The following PTH2R variants were observed in gnomAD, a reference collection of about 807,000 sequenced individuals.
PTH2R encodes the protein PTH2 receptor.
PTH2R carries 59 observed loss-of-function variants against 60.3 expected under a neutral mutation model. That is an observed-to-expected ratio of 0.98 (90% confidence interval 0.79 to 1.22). The LOEUF (loss-of-function observed/expected upper bound fraction) is 1.22. Among genes scored for constraint, PTH2R ranks in the 50% most tolerant of loss-of-function variants. The pLI, the probability that PTH2R is intolerant of heterozygous loss-of-function variation, is 0.00. For synonymous variants in PTH2R, 256 were observed against 243.8 expected, an observed-to-expected ratio of 1.05 and a Z score of -0.47; for missense variants, 749 against 682.6, an observed-to-expected ratio of 1.10 and a Z score of -1.08.
intron 8 of PTH2R, among the ~76,000 whole-genome samples, chr2:208,452,837 G>A (rs1456858325): frequency 6.6e-6 from 1 of 152,162 alleles, no homozygotes; most frequent in African/African-American, 2.4e-5. Context: ...GAGAAGTTGT[G>A]CTCAAGGTTG....
chr2:208,427,412 C>A (rs1230389342), intron 1 of PTH2R, among the ~76,000 whole-genome samples: 1 of 152,036 alleles, frequency 6.6e-6, no homozygotes, highest in Non-Finnish European at 1.5e-5. Context: ...AACTCAGAAT[C>A]CATGTTGTAT....
intron 7 of PTH2R, among the ~76,000 whole-genome samples, chr2:208,449,436 G>C (rs1424303257): frequency 1.6e-5 from 1 of 64,250 alleles, no homozygotes; most frequent in African/African-American, 5.5e-5. Flanking sequence ...ATGGAGAAAT[G>C]TGATAGATAG....
chr2:208,369,299 A>G (rs138201838), intron 1 of PTH2R, among the ~76,000 whole-genome samples: 6 of 152,052 alleles, frequency 3.9e-5, no homozygotes, highest in African/African-American at 1.5e-4. Context: ...TGAAAGACAC[A>G]GAATTCCAAC....
chr2:208,365,086 T>C (rs1395504718), intron 1 of PTH2R, among the ~76,000 whole-genome samples: 1 of 152,136 alleles, frequency 6.6e-6, no homozygotes. Flanking sequence ...TTTAGGATTT[T>C]CTGCATATAA....
At position 208,417,677 on chromosome 2, in the gene PTH2R, G is replaced by A. The variant is rs1466104789; in HGVS notation, c.76-10524G>A. On this transcript the variant is annotated intron_variant, in intron 1 of 12. Transcript: ENST00000272847. ...CGATTCTCCTGCCTCAGCCTCCCGAGTAGCTGGGATTATGGGCACATGCCA... is the reference window on the plus strand; with the variant it reads ...CGATTCTCCTGCCTCAGCCTCCCGAATAGCTGGGATTATGGGCACATGCCA... 5.3e-5 allele frequency among the ~76,000 whole-genome samples: 8 copies of A among 150,158 alleles called. No homozygotes were observed. In the Admixed American group the frequency reaches 5.4e-4, roughly 10 times the overall value.
At chr2:208,490,769 T>C in intron 12 of PTH2R, 89 bp downstream of exon 12, 2 of 1,290,028 alleles carry the variant, frequency 1.6e-6, no homozygotes, top group South Asian at 1.5e-5. Context: ...ATTTCCAGGA[T>C]TTCCAGGATG....
chr2:208,451,214 A>G (rs914426894), intron 8 of PTH2R, among the ~76,000 whole-genome samples: 9 of 151,934 alleles, frequency 5.9e-5, no homozygotes, highest in African/African-American at 2.2e-4. Context: ...TTTCCTGAGG[A>G]TGGTGTGGTT....
chr2:208,380,734 C>T lies in PTH2R; in HGVS notation c.-259+20497C>T, dbSNP rs185210623. 3.3e-5 allele frequency among the ~76,000 whole-genome samples: 5 copies of T among 152,226 alleles called. No individual in the cohort carries two copies. The East Asian group carries it at 9.6e-4, about 29-fold the overall frequency. On this transcript the variant is annotated intron_variant, in intron 1 of 12. Coordinates refer to the PTH2R transcript ENST00000617735. The stretch of plus-strand genomic sequence containing the variant: ...TTCACCCAGGTGTTGTGGAGTGTGT[C>T]TGTCCTTGAGCACTAGCTTTCCCCT...
intron 9 of PTH2R, among the ~76,000 whole-genome samples, chr2:208,462,523 G>A (rs892405879): frequency 3.3e-5 from 5 of 152,180 alleles, no homozygotes; most frequent in African/African-American, 1.2e-4. Flanking sequence ...TCAACTTGAA[G>A]CACACACAGA....
intron 1 of PTH2R, among the ~76,000 whole-genome samples, chr2:208,370,442 CAAAAAAAAAAAAAAAAAAAAAAAA>C (rs71041305): frequency 1.6e-5 from 1 of 61,638 alleles, no homozygotes; most frequent in Non-Finnish European, 2.7e-5. Flanking sequence ...GACTCCGTCT[CAAAAAAAAAAAAAAAAAAAAAAAA>C]AAAAAAAAAG....
At chr2:208,491,710 G>T (rs1703408036) in intron 12 of PTH2R, among the ~76,000 whole-genome samples, 1 of 147,520 alleles carries the variant, frequency 6.8e-6, no homozygotes, top group African/African-American at 2.5e-5. Context: ...TCCATATCTT[G>T]GTGCACCTAA....
Position 208,493,832 on chromosome 2 carries a change from T to C in PTH2R, c.*173T>C, listed in dbSNP as rs1703469457. On this transcript the variant is annotated 3_prime_UTR_variant, in exon 13 of 13. Transcript: ENST00000272847. ...CCTGTAAATACTAACGACATGAAAA[T>C]GCAAGTGTCAATGGAGTAGTTTATT... 1.7e-6 allele frequency: 1 copy of C among 591,590 alleles called. No individual in the cohort carries two copies. The highest frequency in any genetic ancestry group is 5.4e-5 in the South Asian group (1 of 18,404). The allele number at this position is 591,590 out of a possible 1,614,324, so 36.6% of individuals were successfully genotyped here. A position where few individuals can be genotyped will look rare whatever the true frequency, so the allele number is the denominator to read the frequency against.
chr2:208,372,370 GT>G (rs1181765172), intron 1 of PTH2R, among the ~76,000 whole-genome samples: 3 of 152,042 alleles, frequency 2.0e-5, no homozygotes, highest in African/African-American at 7.3e-5. Context: ...TGGGACCTTG[GT>G]TTTGGGCAAG....
At chr2:208,438,022 A>G (rs184051858) in intron 4 of PTH2R, 141 bp downstream of exon 4, 16 of 1,108,790 alleles carry the variant, frequency 1.4e-5, no homozygotes, top group Admixed American at 7.7e-5. Context: ...CAATGTTGCA[A>G]TCTTTTCAGA....
Position 208,437,881 on chromosome 2 carries a change from G to A in PTH2R, c.411G>A (p.Lys137=), listed in dbSNP as rs1268581591. Residue 137 remains lysine (K), a splice_region_variant and synonymous_variant, in exon 4 of 13, where the codon AAG becomes AAA. Transcript: ENST00000272847. The part of the protein sequence containing the change: ...RFLQPDISIG[K]QEFFERLYVM... ...TGCAGCCAGATATCAGCATAGGAAAGGTAATGGAATTTCTCTATTTGTGAA... is the reference window on the plus strand; with the variant it reads ...TGCAGCCAGATATCAGCATAGGAAAAGTAATGGAATTTCTCTATTTGTGAA... The A allele has an allele frequency of 3.1e-6, 5 of 1,608,046 alleles. No individual in the cohort carries two copies. In the African/African-American group the frequency reaches 4.0e-5, roughly 13 times the overall value.
At chr2:208,448,922 A>G (rs990321130) in intron 7 of PTH2R, among the ~76,000 whole-genome samples, 2 of 152,078 alleles carry the variant, frequency 1.3e-5, no homozygotes, top group African/African-American at 4.8e-5. Context: ...AAGCAATTCT[A>G]TGAAGACATA....
chr2:208,473,854 A>G (rs1393153167), intron 9 of PTH2R, among the ~76,000 whole-genome samples: 4 of 152,198 alleles, frequency 2.6e-5, no homozygotes, highest in Non-Finnish European at 5.9e-5. Context: ...AAATATATCC[A>G]TATTATTGTT....
At chr2:208,428,968 C>G (rs529477112) in intron 2 of PTH2R, among the ~76,000 whole-genome samples, 36 of 152,020 alleles carry the variant, frequency 2.4e-4, no homozygotes, top group Non-Finnish European at 3.7e-4. Flanking sequence ...GCCTGTAATC[C>G]CAGCTACTCA....
At chr2:208,456,739 G>A (rs1189430015) in intron 8 of PTH2R, among the ~76,000 whole-genome samples, 27 of 152,132 alleles carry the variant, frequency 1.8e-4, no homozygotes, top group Non-Finnish European at 1.2e-4. Flanking sequence ...TTCCTAGAAG[G>A]TTAAAGTTTA....
Sources: allele counts gnomAD v4.1 joint callset (sites outside exome capture counted in the v4.1 genomes callset), GRCh38; gene constraint gnomAD v4.1.1; transcripts MANE v1.5; gene names NCBI Gene and HGNC (gene_info 2026-07-23, HGNC 2026-07-21).